Variants in AGBL2 observed in about 807,000 individuals in gnomAD.
The protein encoded by AGBL2 is cytosolic carboxypeptidase 2.
In AGBL2, 87 loss-of-function variants were observed where a neutral mutation model predicts 103.0. The observed-to-expected ratio is 0.84, with a 90% CI of 0.71 to 1.01. AGBL2 has a LOEUF of 1.01. Among genes scored for constraint, AGBL2 ranks in the 50% least tolerant of loss-of-function variants. AGBL2 has a pLI of 0.00. For missense variants in AGBL2, 904 were observed against 1,023.5 expected (o/e 0.88, Z 1.59); for synonymous variants, 335 against 356.7 (o/e 0.94, Z 0.69).
In AGBL2 at chr11:47,705,651, A is replaced by G. The variant is rs989572481; in HGVS notation, c.287-17T>C. 8 of 586,010 alleles carry G rather than the reference A, an allele frequency of 1.4e-5. No individual in the cohort carries two copies. In the Admixed American group the frequency reaches 2.1e-4, roughly 15 times the overall value. The allele number at this position is 586,010 out of a possible 1,614,324, so 36.3% of individuals were successfully genotyped here. A position where few individuals can be genotyped will look rare whatever the true frequency, so the allele number is the denominator to read the frequency against. On this transcript the variant is annotated splice_polypyrimidine_tract_variant and intron_variant, in intron 5 of 18. Coordinates refer to ENST00000525123, the MANE Select transcript of AGBL2 (RefSeq NM_024783.4). ...AGTGAAAGTCTGTGTCAAAAAAAAA[A>G]AAAAAAGAAAAAGAAAAAGAAGAAA...
intron 7 of AGBL2, among the ~76,000 whole-genome samples, chr11:47,704,221 C>T (rs772084660): frequency 5.9e-5 from 9 of 151,652 alleles, no homozygotes; most frequent in Non-Finnish European, 1.3e-4. Context: ...GTGGCTTATG[C>T]CTGTAATCCC....
chr11:47,662,171 TTTTA>T (rs1269786491), intron 18 of AGBL2, among the ~76,000 whole-genome samples: 2 of 152,000 alleles, frequency 1.3e-5, no homozygotes, highest in Admixed American at 6.6e-5. Flanking sequence ...AGTTTTTATA[TTTTA>T]TTTATTTATT....
intron 8 of AGBL2, among the ~76,000 whole-genome samples, chr11:47,698,072 G>A (rs1280153576): frequency 2.0e-5 from 3 of 151,640 alleles, no homozygotes; most frequent in African/African-American, 7.3e-5. Flanking sequence ...ATGTTGGGCA[G>A]GCTGGTCTCG....
chr11:47,707,838 T>A (rs1454956180), intron 4 of AGBL2, among the ~76,000 whole-genome samples: 1 of 152,198 alleles, frequency 6.6e-6, no homozygotes, highest in African/African-American at 2.4e-5. Flanking sequence ...TAGTGGAGAA[T>A]CTTTTCATAT....
chr11:47,666,843 G>C, intron 17 of AGBL2, 113 bp downstream of exon 17: 1 of 747,228 alleles, frequency 1.3e-6, no homozygotes, highest in Non-Finnish European at 2.4e-6. Flanking sequence ...CAGTGGCACT[G>C]TCAGGTTAGG....
At chr11:47,675,950 G>A (rs2097373334) in intron 14 of AGBL2, among the ~76,000 whole-genome samples, 1 of 151,920 alleles carries the variant, frequency 6.6e-6, no homozygotes. Flanking sequence ...AGGATGCAGT[G>A]AGCAGAGATC....
At chr11:47,679,045 G>A (rs1229038137) in intron 13 of AGBL2, among the ~76,000 whole-genome samples, 1 of 101,076 alleles carries the variant, frequency 9.9e-6, no homozygotes. Context: ...GGCGACAGAT[G>A]GAGACCCTGT....
chr11:47,678,335 A>ATTTTTTTTTTTTTTTT (rs771416947), intron 13 of AGBL2, among the ~76,000 whole-genome samples: 2 of 67,818 alleles, frequency 2.9e-5, no homozygotes, highest in Non-Finnish European at 6.4e-5. Flanking sequence ...ATTTTATTTT[A>ATTTTTTTTTTTTTTTT]TTATTTTATT....
chr11:47,714,998 G>T (rs1328386692), intron 1 of AGBL2, 177 bp downstream of exon 1: 1 of 304,148 alleles, frequency 3.3e-6, no homozygotes, highest in Non-Finnish European at 6.3e-6. Flanking sequence ...GAAAGTGAAA[G>T]AAATGGGTAT....
intron 11 of AGBL2, among the ~76,000 whole-genome samples, chr11:47,682,635 C>G (rs924778132): frequency 2.6e-5 from 4 of 152,152 alleles, no homozygotes; most frequent in Non-Finnish European, 4.4e-5. Context: ...GCCTGGAACC[C>G]TCTCCCTTAC....
intron 14 of AGBL2, among the ~76,000 whole-genome samples, chr11:47,674,923 G>A (rs887066515): frequency 6.6e-6 from 1 of 151,898 alleles, no homozygotes; most frequent in Admixed American, 6.6e-5. Flanking sequence ...TAGTAGAGAT[G>A]AGGTTTCTCC....
chr11:47,661,940 G>C (rs2097329131), intron 18 of AGBL2, among the ~76,000 whole-genome samples: 1 of 151,770 alleles, frequency 6.6e-6, no homozygotes, highest in African/African-American at 2.4e-5. Context: ...GTAGAGACAG[G>C]GTTTCACCAT....
intron 10 of AGBL2, among the ~76,000 whole-genome samples, chr11:47,687,614 G>T (rs577662727): frequency 4.0e-5 from 6 of 149,960 alleles, no homozygotes; most frequent in African/African-American, 1.5e-4. Flanking sequence ...TCCTGCTTTC[G>T]CCATATGATG....
chr11:47,707,461 AAG>A (rs1320283052), intron 4 of AGBL2, among the ~76,000 whole-genome samples: 5 of 152,184 alleles, frequency 3.3e-5, no homozygotes, highest in African/African-American at 1.2e-4. Flanking sequence ...GCACCAGGCC[AAG>A]AGAGAGCTTG....
chr11:47,698,211 T>C (rs1229913684), intron 8 of AGBL2, among the ~76,000 whole-genome samples: 2 of 149,268 alleles, frequency 1.3e-5, no homozygotes, highest in African/African-American at 2.5e-5. Context: ...TTCACTCTTG[T>C]TGCCCAGGCT....
chr11:47,709,434 G>T (rs2097530792), intron 4 of AGBL2, among the ~76,000 whole-genome samples: 1 of 151,968 alleles, frequency 6.6e-6, no homozygotes, highest in African/African-American at 2.4e-5. Flanking sequence ...TGAGGGAGAA[G>T]TTCAACTGGA....
chr11:47,692,302 C>T, intron 8 of AGBL2, 46 bp from the exon 9 acceptor site: 1 of 1,555,328 alleles, frequency 6.4e-7, no homozygotes, highest in East Asian at 2.3e-5. Flanking sequence ...TCAGAATCCA[C>T]TCATTCAGCA....
intron 3 of AGBL2, among the ~76,000 whole-genome samples, chr11:47,712,646 G>A (rs1200522134): frequency 6.6e-6 from 1 of 152,208 alleles, no homozygotes; most frequent in East Asian, 1.9e-4. Flanking sequence ...GCTCACGCCT[G>A]TAATCCCAGC....
At chr11:47,679,447 G>C (rs1164143096) in intron 13 of AGBL2, among the ~76,000 whole-genome samples, 2 of 151,736 alleles carry the variant, frequency 1.3e-5, no homozygotes, top group Non-Finnish European at 2.9e-5. Context: ...GTGAGGGAGA[G>C]GTGTTCCAAA....
Sources: allele counts gnomAD v4.1 joint callset (sites outside exome capture counted in the v4.1 genomes callset), GRCh38; gene constraint gnomAD v4.1.1; transcripts MANE v1.5; gene names NCBI Gene and HGNC (gene_info 2026-07-23, HGNC 2026-07-21).